TCF12: variants seen among roughly 807,000 people sequenced by gnomAD.
TCF12 encodes transcription factor 12.
In TCF12, 45 loss-of-function variants were observed where a neutral mutation model predicts 86.0. That is an observed-to-expected ratio of 0.52 (90% confidence interval 0.41 to 0.67). The LOEUF is 0.67. TCF12 is among the 30% of genes least tolerant of loss of function. TCF12 has a pLI of 0.00. For synonymous variants in TCF12, 330 were observed against 299.6 expected (o/e 1.10, Z -1.05); for missense variants, 881 against 859.9 (o/e 1.02, Z -0.31).
rs28703855 is a variant in TCF12, at chr15:57,121,968, G to A, written c.325+30077G>A. On this transcript the variant is annotated intron_variant, in intron 5 of 20. Coordinates refer to ENST00000333725, the MANE Select transcript of TCF12 (RefSeq NM_207037.2). ...GTGAGTGAACACAGTATACCTATGG[G>A]TGAGATTAGAATAAAATAGAGATTT... Among the ~76,000 whole-genome samples the A allele has an allele frequency of 4.6e-3, 702 of 152,010 alleles. 4 individuals are homozygous for A. Among genetic ancestry groups the A allele is most frequent in the African/African-American group, 0.016 (662 of 41,486 alleles).
chr15:57,175,697 C>G (rs1241628480), intron 6 of TCF12, among the ~76,000 whole-genome samples: 1 of 152,138 alleles, frequency 6.6e-6, no homozygotes, highest in Non-Finnish European at 1.5e-5. Flanking sequence ...GTATTCTGAG[C>G]AAACCTGTTT....
intron 8 of TCF12, among the ~76,000 whole-genome samples, chr15:57,227,440 A>G (rs1184603451): frequency 6.6e-6 from 1 of 152,152 alleles, no homozygotes; most frequent in Non-Finnish European, 1.5e-5. Context: ...TGTCTTTGCC[A>G]GTTTGACTCA....
chr15:57,039,588 C>T (rs1293033415), intron 3 of TCF12, among the ~76,000 whole-genome samples: 1 of 152,156 alleles, frequency 6.6e-6, no homozygotes, highest in Non-Finnish European at 1.5e-5. Context: ...TTAATTTTAT[C>T]ATAGCTTCAG....
intron 5 of TCF12, among the ~76,000 whole-genome samples, chr15:57,117,737 A>G (rs1417665732): frequency 6.6e-6 from 1 of 152,112 alleles, no homozygotes; most frequent in African/African-American, 2.4e-5. Context: ...ATTTCCCCCA[A>G]CTTTGGATGA....
chr15:57,026,740 A>G (rs1418121293), intron 3 of TCF12, among the ~76,000 whole-genome samples: 1 of 152,056 alleles, frequency 6.6e-6, no homozygotes, highest in African/African-American at 2.4e-5. Flanking sequence ...TAAATATTGT[A>G]TATATAACAT....
intron 5 of TCF12, among the ~76,000 whole-genome samples, chr15:57,164,537 A>C (rs1039151010): frequency 1.3e-5 from 2 of 152,142 alleles, no homozygotes; most frequent in Non-Finnish European, 2.9e-5. Context: ...GCATGGGGGT[A>C]ACCGCCTCCA....
chr15:57,257,194 A>G (rs1356508092), intron 16 of TCF12, among the ~76,000 whole-genome samples: 1 of 152,254 alleles, frequency 6.6e-6, no homozygotes, highest in East Asian at 1.9e-4. Flanking sequence ...TCCTGCTTAT[A>G]AATTGGCACC....
At chr15:57,015,245 G>A (rs2065086886) in intron 3 of TCF12, among the ~76,000 whole-genome samples, 1 of 152,176 alleles carries the variant, frequency 6.6e-6, no homozygotes, top group Non-Finnish European at 1.5e-5. Flanking sequence ...CCAAGATTGT[G>A]CCACTGCACT....
chr15:57,072,018 A>G (rs2069436086), intron 4 of TCF12, among the ~76,000 whole-genome samples: 1 of 152,268 alleles, frequency 6.6e-6, no homozygotes, highest in Admixed American at 6.5e-5. Context: ...CCAATTAAAA[A>G]TAGATTTTAT....
intron 6 of TCF12, among the ~76,000 whole-genome samples, chr15:57,182,669 G>C (rs1198702788): frequency 6.6e-6 from 1 of 152,030 alleles, no homozygotes; most frequent in Non-Finnish European, 1.5e-5. Flanking sequence ...TATTCACTGT[G>C]GAACAAGAAG....
intron 3 of TCF12, among the ~76,000 whole-genome samples, chr15:57,034,015 A>G (rs1463898891): frequency 6.6e-6 from 1 of 152,216 alleles, no homozygotes; most frequent in African/African-American, 2.4e-5. Flanking sequence ...CATAAGTAAT[A>G]TACAGTTCAG....
chr15:56,925,240 G>GCCCCCCCCCCCCCCCCCCC (rs11465192), intron 3 of TCF12, among the ~76,000 whole-genome samples: 10 of 136,258 alleles, frequency 7.3e-5, no homozygotes, highest in Non-Finnish European at 9.4e-5. Context: ...GGTGTCCACC[G>GCCCCCCCCCCCCCCCCCCC]CCCCCCCACC....
intron 4 of TCF12, among the ~76,000 whole-genome samples, chr15:57,069,127 A>G (rs934859038): frequency 6.6e-6 from 1 of 152,156 alleles, no homozygotes; most frequent in Non-Finnish European, 1.5e-5. Flanking sequence ...TTAAAGTACC[A>G]TTGAGGTTTG....
chr15:56,976,681 A>G lies in TCF12; in HGVS notation c.148+55583A>G, dbSNP rs114178060. 7.4e-3 allele frequency among the ~76,000 whole-genome samples: 1,134 copies of G among 152,290 alleles called. 16 individuals carry two copies. The highest frequency in any genetic ancestry group is 0.026 in the African/African-American group (1,083 of 41,552). On this transcript the variant is annotated intron_variant, in intron 3 of 20. Coordinates refer to ENST00000333725, the MANE Select transcript of TCF12 (RefSeq NM_207037.2). ...AGACACATTTGCTTCCTGATGTAAG[A>G]CAGTACCACGTGTGAAGTGGTCTCT...
intron 7 of TCF12, among the ~76,000 whole-genome samples, chr15:57,192,712 G>C (rs560383796): frequency 1.1e-4 from 17 of 152,266 alleles, no homozygotes; most frequent in Non-Finnish European, 2.2e-4. Flanking sequence ...AATTAGAAGA[G>C]AGTTGGATTC....
chr15:57,035,014 T>A (rs1170550425), intron 3 of TCF12, among the ~76,000 whole-genome samples: 1 of 152,194 alleles, frequency 6.6e-6, no homozygotes, highest in Non-Finnish European at 1.5e-5. Context: ...CATGTAAGTT[T>A]CCAGATCACT....
chr15:57,206,203 A>G (rs774366792), intron 8 of TCF12, among the ~76,000 whole-genome samples: 2 of 152,166 alleles, frequency 1.3e-5, no homozygotes, highest in African/African-American at 2.4e-5. Flanking sequence ...TAAGGCACTA[A>G]AGAATACAAG....
intron 6 of TCF12, among the ~76,000 whole-genome samples, chr15:57,169,810 T>A (rs1408039329): frequency 6.6e-6 from 1 of 152,214 alleles, no homozygotes; most frequent in Admixed American, 6.5e-5. Flanking sequence ...ATTTATACCC[T>A]CTTGGCAAAG....
intron 3 of TCF12, among the ~76,000 whole-genome samples, chr15:56,950,599 T>C (rs1340131250): frequency 1.3e-5 from 2 of 152,142 alleles, no homozygotes; most frequent in South Asian, 2.1e-4. Flanking sequence ...GGCATAATTA[T>C]TTTGAGATTC....
Sources: allele counts gnomAD v4.1 joint callset (sites outside exome capture counted in the v4.1 genomes callset), GRCh38; gene constraint gnomAD v4.1.1; transcripts MANE v1.5; gene names NCBI Gene and HGNC (gene_info 2026-07-23, HGNC 2026-07-21).